DTNB: variants seen among roughly 807,000 people sequenced by gnomAD.
DTNB encodes DTN-B.
A neutral mutation model predicts 90.7 loss-of-function variants in DTNB; 63 were observed. The observed-to-expected ratio is 0.69, with a 90% CI of 0.57 to 0.86. The LOEUF is 0.86. Among genes scored for constraint, DTNB ranks in the 40% least tolerant of loss-of-function variants. The probability of loss-of-function intolerance (pLI) is 0.00; values close to 1 mark genes in which losing one functional copy is unlikely to be tolerated. For synonymous variants in DTNB, 277 were observed against 286.7 expected, an observed-to-expected ratio of 0.97 and a Z score of 0.34; for missense variants, 744 against 807.1, an observed-to-expected ratio of 0.92 and a Z score of 0.95.
chr2:25,597,508 T>C (rs2064895502), intron 5 of DTNB, among the ~76,000 whole-genome samples: 1 of 152,168 alleles, frequency 6.6e-6, no homozygotes. Context: ...AATTTCTGAA[T>C]ACACTAATTA....
intron 9 of DTNB, among the ~76,000 whole-genome samples, chr2:25,491,158 G>GACACACGCAC (rs371862940): frequency 0.05 from 7,542 of 150,610 alleles, 289 homozygotes; most frequent in Non-Finnish European, 0.074. Context: ...CACACACACA[G>GACACACGCAC]ACACACACAC....
chr2:25,386,277 G>A (rs1416482497), intron 18 of DTNB, among the ~76,000 whole-genome samples: 1 of 152,232 alleles, frequency 6.6e-6, no homozygotes, highest in Non-Finnish European at 1.5e-5. Context: ...CCCTAAACAT[G>A]TGAGCTTTCT....
At chr2:25,563,306 G>GC (rs1371631537) in intron 8 of DTNB, among the ~76,000 whole-genome samples, 1 of 152,102 alleles carries the variant, frequency 6.6e-6, no homozygotes. Flanking sequence ...TTGGGGTGTT[G>GC]TTTTTGTTGT....
At chr2:25,413,252 T>C (rs937623543) in intron 16 of DTNB, among the ~76,000 whole-genome samples, 1 of 150,714 alleles carries the variant, frequency 6.6e-6, no homozygotes, top group South Asian at 2.1e-4. Flanking sequence ...TTATTTGCTT[T>C]CTTGGGAAAT....
intron 8 of DTNB, among the ~76,000 whole-genome samples, chr2:25,566,555 C>T (rs1329519629): frequency 6.6e-6 from 1 of 152,164 alleles, no homozygotes; most frequent in African/African-American, 2.4e-5. Flanking sequence ...CATGTTGTCC[C>T]TGCATAATTA....
At chr2:25,519,376 T>G (rs1268580715) in intron 9 of DTNB, among the ~76,000 whole-genome samples, 1 of 151,602 alleles carries the variant, frequency 6.6e-6, no homozygotes, top group Non-Finnish European at 1.5e-5. Flanking sequence ...ACTTTTTTTT[T>G]TTTTTTTTTT....
At position 25,424,500 on chromosome 2, in the gene DTNB, G is replaced by A. The variant is rs1347003917; in HGVS notation, c.1554+3035C>T. The stretch of plus-strand genomic sequence containing the variant: ...ATCCAACTGAAAGGCAATGGTACAA[G>A]GTTACTTAGGGGAGATACACTCTGG... On this transcript the variant is annotated intron_variant, in intron 15 of 20. Transcript: ENST00000406818. The surrounding 1 kb of genome is among the most constrained non-coding windows in gnomAD (Gnocchi z 4.1). Among the ~76,000 whole-genome samples, 2 of 152,106 alleles carry A rather than the reference G, an allele frequency of 1.3e-5. No individual in the cohort carries two copies. Among genetic ancestry groups the A allele is most frequent in the Admixed American group, 1.3e-4 (2 of 15,276 alleles).
At chr2:25,620,775 T>G (rs1169023543) in intron 4 of DTNB, among the ~76,000 whole-genome samples, 1 of 152,108 alleles carries the variant, frequency 6.6e-6, no homozygotes, top group African/African-American at 2.4e-5. Flanking sequence ...AAGACCACTC[T>G]GGGCAACAAA....
chr2:25,564,770 T>C (rs573726040), intron 8 of DTNB, among the ~76,000 whole-genome samples: 34 of 152,342 alleles, frequency 2.2e-4, no homozygotes, highest in African/African-American at 7.0e-4. Context: ...TTTGTTCTTT[T>C]TGATGCTACT....
At chr2:25,632,427 C>T (rs980448281) in intron 3 of DTNB, among the ~76,000 whole-genome samples, 3 of 152,100 alleles carry the variant, frequency 2.0e-5, no homozygotes, top group African/African-American at 7.2e-5. Context: ...GAATATTTGT[C>T]CTCTGCAAAA....
intron 8 of DTNB, among the ~76,000 whole-genome samples, chr2:25,548,105 C>T (rs367702084): frequency 6.6e-6 from 1 of 152,072 alleles, no homozygotes; most frequent in Admixed American, 6.5e-5. Context: ...TTTTTGTTAT[C>T]GTGATCAAGT....
chr2:25,653,688 T>C (rs1263482880), intron 1 of DTNB, among the ~76,000 whole-genome samples: 1 of 151,826 alleles, frequency 6.6e-6, no homozygotes, highest in Non-Finnish European at 1.5e-5. Context: ...ATTTTTGTAT[T>C]TTTAGTAGAG....
chr2:25,407,469 C>T (rs2045491819), intron 16 of DTNB, among the ~76,000 whole-genome samples: 1 of 152,182 alleles, frequency 6.6e-6, no homozygotes, highest in South Asian at 2.1e-4. Flanking sequence ...GACACACGCA[C>T]ACATATGTTT....
chr2:25,509,680 T>C (rs546422425), intron 9 of DTNB, among the ~76,000 whole-genome samples: 23 of 152,052 alleles, frequency 1.5e-4, no homozygotes, highest in African/African-American at 5.5e-4. Flanking sequence ...TTTAGTATCT[T>C]TTCTTTGTCT....
At chr2:25,530,002 AAT>A (rs2077856422) in intron 9 of DTNB, among the ~76,000 whole-genome samples, 1 of 152,208 alleles carries the variant, frequency 6.6e-6, no homozygotes, top group Admixed American at 6.5e-5. Context: ...GTTATTAAGA[AAT>A]AGAGTTTTTA....
intron 5 of DTNB, among the ~76,000 whole-genome samples, chr2:25,600,477 C>G (rs2065640661): frequency 6.6e-6 from 1 of 152,244 alleles, no homozygotes; most frequent in South Asian, 2.1e-4. Context: ...TCTGTGAGGA[C>G]AGCCATAAGT....
chr2:25,398,064 G>A (rs2042861492), intron 16 of DTNB, among the ~76,000 whole-genome samples: 1 of 152,132 alleles, frequency 6.6e-6, no homozygotes, highest in South Asian at 2.1e-4. Flanking sequence ...GAACATCCAG[G>A]CTGCTTCATA....
intron 8 of DTNB, among the ~76,000 whole-genome samples, chr2:25,553,050 C>T (rs1335931364): frequency 6.6e-6 from 1 of 150,904 alleles, no homozygotes; most frequent in Non-Finnish European, 1.5e-5. Flanking sequence ...TTAGTAGAGA[C>T]GGGGTTTCAC....
intron 3 of DTNB, among the ~76,000 whole-genome samples, chr2:25,634,098 G>A (rs554654690): frequency 0.08 from 12,050 of 150,510 alleles, 702 homozygotes; most frequent in Non-Finnish European, 0.13. Flanking sequence ...CGCCCCGTCC[G>A]GGAGGGAGGT....
Sources: allele counts gnomAD v4.1 joint callset (sites outside exome capture counted in the v4.1 genomes callset), GRCh38; gene constraint gnomAD v4.1.1; non-coding constraint Gnocchi (gnomAD v3.1); transcripts MANE v1.5; gene names NCBI Gene and HGNC (gene_info 2026-07-23, HGNC 2026-07-21).